The following BCAS3 variants were observed in gnomAD, a reference collection of about 807,000 sequenced individuals.
The protein encoded by BCAS3 is BCAS3 microtubule associated cell migration factor.
Under a neutral mutation model 116.1 loss-of-function variants are expected in BCAS3, and 53 were observed. The ratio of observed to expected loss-of-function variants is 0.46; its 90% CI spans 0.37 to 0.57. The LOEUF (loss-of-function observed/expected upper bound fraction) is 0.57. Ranked by LOEUF, BCAS3 falls within the 20% of genes least tolerant of loss-of-function variation. The pLI is 0.00. For synonymous variants in BCAS3, 391 were observed against 408.2 expected (o/e 0.96, Z 0.51); for missense variants, 917 against 1,165.4 (o/e 0.79, Z 3.10).
chr17:60,765,414 T>G (rs2043990055), intron 6 of BCAS3, among the ~76,000 whole-genome samples: 1 of 152,148 alleles, frequency 6.6e-6, no homozygotes, highest in South Asian at 2.1e-4. Flanking sequence ...AGCATTTGCT[T>G]GTCTGTAAAG....
chr17:60,769,360 G>C (rs901323869), intron 6 of BCAS3, among the ~76,000 whole-genome samples: 4 of 152,164 alleles, frequency 2.6e-5, no homozygotes, highest in African/African-American at 9.7e-5. Context: ...GGAGGTAGCT[G>C]TGGGATGTGT....
At chr17:60,838,624 T>C (rs989350310) in intron 7 of BCAS3, among the ~76,000 whole-genome samples, 1 of 152,180 alleles carries the variant, frequency 6.6e-6, no homozygotes, top group African/African-American at 2.4e-5. Flanking sequence ...CTGTGGCAAC[T>C]AAACTATAGA....
intron 19 of BCAS3, among the ~76,000 whole-genome samples, chr17:61,052,715 CTTTTTTTTT>C (rs60772345): frequency 1.6e-5 from 2 of 124,948 alleles, no homozygotes; most frequent in Non-Finnish European, 3.4e-5. Context: ...TTCTTTCTTT[CTTTTTTTTT>C]TTTTTTTTTT....
Position 61,316,649 on chromosome 17 carries a change from G to A in BCAS3, c.2426-51678G>A, listed in dbSNP as rs1271955655. ...ATAAAGGAAAGGTTAGAGGGAGGGAGAGAGGGAAGGAGAAGGAGGATAAAA... is the reference window on the plus strand; with the variant it reads ...ATAAAGGAAAGGTTAGAGGGAGGGAAAGAGGGAAGGAGAAGGAGGATAAAA... On this transcript the variant is annotated intron_variant, in intron 22 of 23. Transcript: ENST00000407086. The surrounding 1 kb of genome is among the most constrained non-coding windows in gnomAD (Gnocchi z 5.8). Among the ~76,000 whole-genome samples, 1 of 152,198 alleles carries A rather than the reference G, an allele frequency of 6.6e-6. No homozygotes were observed. Among genetic ancestry groups the A allele is most frequent in the Non-Finnish European group, 1.5e-5 (1 of 68,042 alleles).
Position 61,320,135 on chromosome 17 carries a change from C to T in BCAS3, c.2426-48192C>T, listed in dbSNP as rs143681063. On this transcript the variant is annotated intron_variant, in intron 22 of 23. Coordinates refer to ENST00000407086, the MANE Select transcript of BCAS3 (RefSeq NM_017679.5). ...GAAGTCCTGCCCTCAGGTGATCCTC[C>T]CGCCTCGGCCTCCCAAAGTGCTGGG... Among the ~76,000 whole-genome samples, 732 of 151,920 alleles carry T rather than the reference C, an allele frequency of 4.8e-3. 6 individuals are homozygous for T. Among genetic ancestry groups the T allele is most frequent in the African/African-American group, 0.017 (701 of 41,498 alleles).
Position 60,868,558 on chromosome 17 carries a change from T to A in BCAS3, c.477-18T>A. The A allele has an allele frequency of 6.7e-7, 1 of 1,482,722 alleles. No homozygotes were observed. The highest frequency in any genetic ancestry group is 9.0e-7 in the Non-Finnish European group (1 of 1,106,430). 91.8% of individuals were successfully genotyped at this position (1,482,722 alleles called of 1,614,324 possible). On this transcript the variant is annotated intron_variant, in intron 7 of 23. Transcript: ENST00000407086. ...TTTTTTAAAAAAATGACATTTTTCT[T>A]TCTTTTTTCTTTTTTAGCACAAGCC...
chr17:61,293,877 C>T (rs2052662768), intron 22 of BCAS3, among the ~76,000 whole-genome samples: 1 of 152,238 alleles, frequency 6.6e-6, no homozygotes, highest in African/African-American at 2.4e-5. Flanking sequence ...CCTCCCACTT[C>T]AGCCTCCCAG....
At chr17:61,253,939 T>C (rs1435739009) in intron 22 of BCAS3, among the ~76,000 whole-genome samples, 1 of 152,096 alleles carries the variant, frequency 6.6e-6, no homozygotes, top group Non-Finnish European at 1.5e-5. Context: ...TAGAGCTCTC[T>C]TGTCTAATTT....
chr17:61,346,044 G>T lies in BCAS3; in HGVS notation c.2426-22283G>T, dbSNP rs2057484813. ...AATTTAAGGCCAAAGGTGTTGGCTT[G>T]GTCATGCACCTGACATCATACTTTT... On this transcript the variant is annotated intron_variant, in intron 22 of 23. Transcript: ENST00000407086. This position sits in a 1 kb window ranked among gnomAD's most constrained non-coding sequence, Gnocchi z 5.4. Among the ~76,000 whole-genome samples the T allele has an allele frequency of 6.6e-6, 1 of 152,146 alleles. No homozygotes were observed. The highest frequency in any genetic ancestry group is 1.5e-5 in the Non-Finnish European group (1 of 68,028).
At chr17:61,292,115 T>G (rs950170443) in intron 22 of BCAS3, among the ~76,000 whole-genome samples, 11 of 152,004 alleles carry the variant, frequency 7.2e-5, no homozygotes, top group Admixed American at 4.6e-4. Context: ...ACTTGCCACA[T>G]GTAACGTGGA....
At chr17:60,856,704 A>T (rs2053707341) in intron 7 of BCAS3, among the ~76,000 whole-genome samples, 2 of 152,124 alleles carry the variant, frequency 1.3e-5, no homozygotes, top group Admixed American at 6.5e-5. Context: ...AAATAAAAAA[A>T]AAATTATAGA....
rs60854011 is a variant in BCAS3, at chr17:60,770,834, G to GTTT, written c.403+23584_403+23586dup. 9.3e-3 allele frequency among the ~76,000 whole-genome samples: 713 copies of GTTT among 76,790 alleles called. 96 individuals are homozygous for GTTT. Among genetic ancestry groups the GTTT allele is most frequent in the Non-Finnish European group, 0.018 (544 of 30,172 alleles). 50.4% of individuals were successfully genotyped at this position (76,790 alleles called of 152,430 possible). On this transcript the variant is annotated intron_variant, in intron 6 of 23. Coordinates refer to ENST00000407086, the MANE Select transcript of BCAS3 (RefSeq NM_017679.5). Reference sequence around the variant, plus strand: ...GATCTTGAACCTAAAACTGAAATTTGTTTTTTTTTTTTTTTTTTTTTTTTT... The same window carrying GTTT: ...GATCTTGAACCTAAAACTGAAATTTGTTTTTTTTTTTTTTTTTTTTTTTTTTTT...
chr17:61,042,613 C>T (rs911828792), intron 19 of BCAS3, among the ~76,000 whole-genome samples: 6 of 151,790 alleles, frequency 4.0e-5, no homozygotes, highest in African/African-American at 9.7e-5. Flanking sequence ...CTGGGCTGGG[C>T]GCAGTGGCTC....
chr17:61,120,552 G>T (rs903179404), intron 22 of BCAS3, among the ~76,000 whole-genome samples: 18 of 152,024 alleles, frequency 1.2e-4, no homozygotes, highest in Admixed American at 6.5e-5. Flanking sequence ...AGAGTGAATA[G>T]CCTGATGTAT....
rs1301598724 is a variant in BCAS3 at position 61,037,640 on chromosome 17, C to CA, written c.1763-248dup. 6.6e-6 allele frequency among the ~76,000 whole-genome samples: 1 copy of CA among 152,092 alleles called. No individual in the cohort carries two copies. Among genetic ancestry groups the CA allele is most frequent in the African/African-American group, 2.4e-5 (1 of 41,412 alleles). On this transcript the variant is annotated intron_variant, in intron 17 of 23. Transcript: ENST00000407086. This position sits in a 1 kb window ranked among gnomAD's most constrained non-coding sequence, Gnocchi z 4.7. ...TACAAAAATTAGCCGGGTGTGGTGA[C>CA]AGGAGCCTGTAATCCCAGCTACTCA...
chr17:60,740,671 T>C (rs1233206767), intron 5 of BCAS3, among the ~76,000 whole-genome samples: 1 of 151,756 alleles, frequency 6.6e-6, no homozygotes, highest in Non-Finnish European at 1.5e-5. Context: ...TTTTTGAGAG[T>C]GTGTGGTGTG....
rs1398996363 is a variant in BCAS3, at chr17:61,309,982, T to A, written c.2426-58345T>A. On this transcript the variant is annotated intron_variant, in intron 22 of 23. Transcript: ENST00000407086. This position sits in a 1 kb window ranked among gnomAD's most constrained non-coding sequence, Gnocchi z 4.6. ...AACTACAGCATTTAGGCTACCAGGT[T>A]GTGTTTCCTTAATAGGAAGCCATAT... is the stretch of plus-strand genomic sequence containing the variant. 6.6e-6 allele frequency among the ~76,000 whole-genome samples: 1 copy of A among 152,150 alleles called. No individual in the cohort carries two copies. The highest frequency in any genetic ancestry group is 1.5e-5 in the Non-Finnish European group (1 of 68,024).
intron 7 of BCAS3, among the ~76,000 whole-genome samples, chr17:60,861,607 G>C (rs1290691551): frequency 6.6e-6 from 1 of 152,090 alleles, no homozygotes; most frequent in African/African-American, 2.4e-5. Flanking sequence ...TGCCTGTTCG[G>C]TATCGTGTTG....
rs982384996 is a variant in BCAS3 at position 61,063,981 on chromosome 17, T to G, written c.2030-10939T>G. On this transcript the variant is annotated intron_variant, in intron 19 of 23. Coordinates refer to ENST00000407086, the MANE Select transcript of BCAS3 (RefSeq NM_017679.5). The surrounding 1 kb of genome is among the most constrained non-coding windows in gnomAD (Gnocchi z 5.3). ...TGGTAAAGCATCAATAATTTCACCA[T>G]TCTTCTACCCAAGCTTGACTGTAAA... Among the ~76,000 whole-genome samples the G allele has an allele frequency of 3.3e-5, 5 of 152,242 alleles. No homozygotes were observed. The highest frequency in any genetic ancestry group is 1.2e-4 in the African/African-American group (5 of 41,472).
Sources: allele counts gnomAD v4.1 joint callset (sites outside exome capture counted in the v4.1 genomes callset), GRCh38; gene constraint gnomAD v4.1.1; non-coding constraint Gnocchi (gnomAD v3.1); transcripts MANE v1.5; gene names NCBI Gene and HGNC (gene_info 2026-07-23, HGNC 2026-07-21).